The following KIAA1217 variants were observed in gnomAD, a reference collection of about 807,000 sequenced individuals.
KIAA1217 encodes KIAA1217.
KIAA1217 carries 88 observed loss-of-function variants against 163.9 expected under a neutral mutation model. The observed-to-expected ratio is 0.54, with a 90% confidence interval of 0.45 to 0.64. The LOEUF (loss-of-function observed/expected upper bound fraction) is 0.64. Among genes scored for constraint, KIAA1217 ranks in the 30% least tolerant of loss-of-function variants. The pLI is 0.00. For missense variants in KIAA1217, 2,372 were observed against 2,475.0 expected, an observed-to-expected ratio of 0.96 and a Z score of 0.88; for synonymous variants, 903 against 923.1, an observed-to-expected ratio of 0.98 and a Z score of 0.39.
Position 23,873,731 on chromosome 10 carries a change from T to A in KIAA1217, c.-320-133494T>A, listed in dbSNP as rs932532940. 1.6e-4 allele frequency among the ~76,000 whole-genome samples: 24 copies of A among 152,102 alleles called. 1 individual carries two copies. Among genetic ancestry groups the A allele is most frequent in the Admixed American group, 1.1e-3 (17 of 15,270 alleles). On this transcript the variant is annotated intron_variant, in intron 1 of 18. Coordinates refer to the KIAA1217 transcript ENST00000376462. Reference sequence around the variant, plus strand: ...CTCTTTCCCTCTGTCTCACTCGCCATCTATCTCTCAATGCTCAGAATTGAA... The same window carrying A: ...CTCTTTCCCTCTGTCTCACTCGCCAACTATCTCTCAATGCTCAGAATTGAA...
chr10:24,022,157 A>C (rs569193018), intron 2 of KIAA1217, among the ~76,000 whole-genome samples: 14 of 151,812 alleles, frequency 9.2e-5, no homozygotes, highest in Non-Finnish European at 1.5e-4. Context: ...ACTAGAATGA[A>C]AAGACAAGCC....
At chr10:24,090,645 A>G (rs2061905191) in intron 2 of KIAA1217, among the ~76,000 whole-genome samples, 1 of 151,600 alleles carries the variant, frequency 6.6e-6, no homozygotes. Flanking sequence ...TCTTTAATCC[A>G]CAGTGGATCC....
intron 3 of KIAA1217, among the ~76,000 whole-genome samples, chr10:24,407,489 A>G (rs1246191742): frequency 6.6e-6 from 1 of 152,056 alleles, no homozygotes; most frequent in African/African-American, 2.4e-5. Flanking sequence ...TATTTTTTGT[A>G]GAGATGGGTT....
At chr10:23,837,961 A>G (rs1373575750) in intron 1 of KIAA1217, among the ~76,000 whole-genome samples, 4 of 152,132 alleles carry the variant, frequency 2.6e-5, no homozygotes, top group Non-Finnish European at 5.9e-5. Flanking sequence ...CTTAGCCTGC[A>G]TGACCCATTC....
At chr10:23,830,007 G>A (rs890754798) in intron 1 of KIAA1217, among the ~76,000 whole-genome samples, 2 of 152,144 alleles carry the variant, frequency 1.3e-5, no homozygotes, top group African/African-American at 4.8e-5. Context: ...GGCTGCTAAT[G>A]TTTAAATCTC....
At chr10:24,213,500 C>T (rs1210287568) in intron 1 of KIAA1217, among the ~76,000 whole-genome samples, 1 of 152,190 alleles carries the variant, frequency 6.6e-6, no homozygotes, top group African/African-American at 2.4e-5. Context: ...TCTCTGTACC[C>T]TTATCCCGTT....
intron 2 of KIAA1217, among the ~76,000 whole-genome samples, chr10:24,034,239 G>A (rs990789924): frequency 2.0e-5 from 3 of 152,072 alleles, no homozygotes; most frequent in African/African-American, 7.2e-5. Flanking sequence ...ACAAGTGGGG[G>A]TCTTCTGGCA....
chr10:23,805,228 G>A (rs1564436465), intron 1 of KIAA1217, among the ~76,000 whole-genome samples: 1 of 152,122 alleles, frequency 6.6e-6, no homozygotes, highest in Admixed American at 6.6e-5. Context: ...TATGTTCATT[G>A]CAGCACTCCT....
intron 2 of KIAA1217, among the ~76,000 whole-genome samples, chr10:24,112,800 ACGGT>A (rs2062903675): frequency 1.3e-5 from 2 of 151,732 alleles, no homozygotes. Context: ...GTTAGCCAGG[ACGGT>A]CTCGATCTCC....
intron 2 of KIAA1217, among the ~76,000 whole-genome samples, chr10:24,104,817 C>T (rs180842861): frequency 5.3e-5 from 8 of 152,246 alleles, no homozygotes; most frequent in Non-Finnish European, 1.2e-4. Flanking sequence ...CCTAAAACTA[C>T]TCTAAAAAGT....
intron 1 of KIAA1217, among the ~76,000 whole-genome samples, chr10:23,888,796 A>G (rs1180738730): frequency 6.6e-6 from 1 of 151,910 alleles, no homozygotes; most frequent in Non-Finnish European, 1.5e-5. Context: ...AAATCAAGAC[A>G]TAGAACATTT....
chr10:24,060,119 G>T (rs2060666643), intron 2 of KIAA1217, among the ~76,000 whole-genome samples: 3 of 151,026 alleles, frequency 2.0e-5, no homozygotes, highest in South Asian at 4.2e-4. Context: ...TTTGTCTTTT[G>T]CTTCGAAAAC....
chr10:24,104,736 G>T (rs1347666867), intron 2 of KIAA1217, among the ~76,000 whole-genome samples: 1 of 152,216 alleles, frequency 6.6e-6, no homozygotes, highest in East Asian at 1.9e-4. Flanking sequence ...GACAGTAGAA[G>T]AGGCTGTGCA....
In KIAA1217 at chr10:23,713,719, G is replaced by C. The variant is rs575720563; in HGVS notation, c.-321+18485G>C. Among the ~76,000 whole-genome samples, 448 of 152,172 alleles carry C rather than the reference G, an allele frequency of 2.9e-3. 1 individual carries two copies. Among genetic ancestry groups the C allele is most frequent in the Non-Finnish European group, 4.9e-3 (334 of 67,994 alleles). On this transcript the variant is annotated intron_variant, in intron 1 of 18. Coordinates refer to the KIAA1217 transcript ENST00000376462. ...AAAACTTTTTGGTATCTGTAATAAAGTTTGACTTTAATTTTTGCCAAAATA... is the reference window on the plus strand; with the variant it reads ...AAAACTTTTTGGTATCTGTAATAAACTTTGACTTTAATTTTTGCCAAAATA...
At chr10:24,459,512 C>T (rs1399883772) in intron 5 of KIAA1217, among the ~76,000 whole-genome samples, 1 of 152,170 alleles carries the variant, frequency 6.6e-6, no homozygotes, top group African/African-American at 2.4e-5. Context: ...CCTCATCAGC[C>T]TTAACCCTGG....
chr10:24,127,782 G>A (rs944813091), intron 2 of KIAA1217, among the ~76,000 whole-genome samples: 20 of 152,108 alleles, frequency 1.3e-4, no homozygotes, highest in African/African-American at 4.8e-4. Flanking sequence ...GTAAGTTATC[G>A]AATATTGTAT....
intron 2 of KIAA1217, among the ~76,000 whole-genome samples, chr10:24,332,225 G>A (rs574317757): frequency 3.3e-5 from 5 of 152,328 alleles, no homozygotes; most frequent in Non-Finnish European, 5.9e-5. Flanking sequence ...ACAAAAGGCC[G>A]TTATAGCAGA....
intron 1 of KIAA1217, among the ~76,000 whole-genome samples, chr10:23,834,273 C>T (rs1838345510): frequency 6.6e-6 from 1 of 152,156 alleles, no homozygotes; most frequent in African/African-American, 2.4e-5. Context: ...TGTTGCCCTT[C>T]CACTTTGGCT....
chr10:24,526,250 G>A (rs1046620462), intron 13 of KIAA1217, among the ~76,000 whole-genome samples: 3 of 151,962 alleles, frequency 2.0e-5, no homozygotes, highest in East Asian at 3.9e-4. Context: ...TCGCAGCCTC[G>A]GGGCCTCTGA....
Sources: allele counts gnomAD v4.1 joint callset (sites outside exome capture counted in the v4.1 genomes callset), GRCh38; gene constraint gnomAD v4.1.1; transcripts MANE v1.5; gene names NCBI Gene and HGNC (gene_info 2026-07-23, HGNC 2026-07-21).